The following SLC2A5 variants were observed in gnomAD, a reference collection of about 807,000 sequenced individuals.
SLC2A5 encodes solute carrier family 2, facilitated glucose transporter member 5.
In SLC2A5, 56 loss-of-function variants were observed where a neutral mutation model predicts 50.3. The ratio of observed to expected loss-of-function variants is 1.11; its 90% confidence interval spans 0.90 to 1.39. SLC2A5 has a LOEUF of 1.39. SLC2A5 is among the 40% of genes most tolerant of loss of function. The pLI is 0.00. For missense variants in SLC2A5, 566 were observed against 650.1 expected (o/e 0.87, Z 1.41); for synonymous variants, 269 against 281.9 (o/e 0.95, Z 0.46).
chr1:9,055,431 C>T (rs1294277622), intron 3 of SLC2A5, among the ~76,000 whole-genome samples: 3 of 151,610 alleles, frequency 2.0e-5, no homozygotes, highest in Admixed American at 6.6e-5. Flanking sequence ...GCAGGAGAAT[C>T]GTTTGAACCC....
chr1:9,058,321 C>G, intron 1 of SLC2A5, 71 bp from the exon 2 acceptor site: 2 of 1,031,942 alleles, frequency 1.9e-6, no homozygotes, highest in Non-Finnish European at 3.0e-6. Context: ...ACTTCGGTTT[C>G]GTAGAAAGAT....
At chr1:9,068,189 C>CAAAAAAAAAAAAAAA (rs755203801) in intron 1 of SLC2A5, among the ~76,000 whole-genome samples, 5 of 77,092 alleles carry the variant, frequency 6.5e-5, no homozygotes, top group African/African-American at 2.0e-4. Flanking sequence ...GACTCTGTGT[C>CAAAAAAAAAAAAAAA]AAAAAAAAAA....
chr1:9,053,873 CA>C (rs912429351), intron 3 of SLC2A5, among the ~76,000 whole-genome samples: 1 of 140,118 alleles, frequency 7.1e-6, no homozygotes, highest in Non-Finnish European at 1.5e-5. Flanking sequence ...GACTCTGTCT[CA>C]AAAAAATAAA....
intron 1 of SLC2A5, among the ~76,000 whole-genome samples, chr1:9,062,275 T>C (rs1425042149): frequency 1.3e-5 from 2 of 152,056 alleles, no homozygotes; most frequent in Non-Finnish European, 1.5e-5. Flanking sequence ...TAGTAAGTAC[T>C]AAGAAGAAAA....
intron 4 of SLC2A5, among the ~76,000 whole-genome samples, chr1:9,046,137 T>C (rs12073178): frequency 0.023 from 3,503 of 152,206 alleles, 149 homozygotes; most frequent in African/African-American, 0.08. Context: ...CTTGGCAATG[T>C]TGGGAAAGTG....
intron 1 of SLC2A5, among the ~76,000 whole-genome samples, chr1:9,085,348 C>T (rs571711946): frequency 1.1e-3 from 166 of 152,104 alleles, no homozygotes; most frequent in Admixed American, 2.2e-3. Flanking sequence ...TCTAGAAAGG[C>T]GGGACGATTC....
At chr1:9,087,736 A>G (rs59054004) in intron 1 of SLC2A5, among the ~76,000 whole-genome samples, 6,270 of 152,102 alleles carry the variant, frequency 0.041, 266 homozygotes, top group African/African-American at 0.1. Flanking sequence ...GACTCGGGCC[A>G]GGGCTACTCT....
chr1:9,059,133 TTTC>T (rs149497448), intron 1 of SLC2A5, among the ~76,000 whole-genome samples: 13,592 of 77,350 alleles, frequency 0.18, 1,822 homozygotes, highest in East Asian at 0.48. Flanking sequence ...GCCGCCTTTC[TTTC>T]TTTTTTTTTT....
chr1:9,056,553 G>A (rs1484868171), intron 3 of SLC2A5, among the ~76,000 whole-genome samples: 1 of 151,866 alleles, frequency 6.6e-6, no homozygotes, highest in African/African-American at 2.4e-5. Context: ...GTTACTCTGG[G>A]CTCACTAGAT....
upstream of SLC2A5, among the ~76,000 whole-genome samples, chr1:9,070,076 T>TTTTTTTTTTG (rs1642183680): frequency 7.8e-6 from 1 of 128,578 alleles, no homozygotes; most frequent in Admixed American, 7.5e-5. Flanking sequence ...TTTTCTGTTT[T>TTTTTTTTTTG]TTTTTTTTTT....
In SLC2A5 at chr1:9,040,794, T is replaced by C. The variant is rs1641281906; in HGVS notation, c.572-605A>G. ...CTCCCTGAGACAGGAACCTGGCTTATTCACTTCTGGTCCCAGCTCCTAATG... is the reference window on the plus strand; with the variant it reads ...CTCCCTGAGACAGGAACCTGGCTTACTCACTTCTGGTCCCAGCTCCTAATG... On this transcript the variant is annotated intron_variant, in intron 5 of 11. Transcript: ENST00000377424. This position sits in a 1 kb window ranked among gnomAD's most constrained non-coding sequence, Gnocchi z 4.3. 3 of 153,088 alleles carry C rather than the reference T, an allele frequency of 2.0e-5. No homozygotes were observed. The highest frequency in any genetic ancestry group is 6.5e-5 in the Admixed American group (1 of 15,324). The allele number at this position is 153,088 out of a possible 1,614,324, so 9.5% of individuals were successfully genotyped here.
At chr1:9,088,938 G>A (rs778653520), upstream of SLC2A5, among the ~76,000 whole-genome samples, 3 of 152,150 alleles carry the variant, frequency 2.0e-5, no homozygotes, top group Non-Finnish European at 4.4e-5. Flanking sequence ...CAGCATCTGG[G>A]ATCTTTCTCT....
chr1:9,039,439 G>T, intron 8 of SLC2A5, 113 bp downstream of exon 8: 1 of 713,916 alleles, frequency 1.4e-6, no homozygotes, highest in South Asian at 1.9e-5. Flanking sequence ...TGTAGTAGCG[G>T]CTGGTCCTCC....
intron 1 of SLC2A5, among the ~76,000 whole-genome samples, chr1:9,066,598 T>C (rs1642089642): frequency 6.6e-6 from 1 of 152,116 alleles, no homozygotes; most frequent in African/African-American, 2.4e-5. Context: ...TCCATTTTAT[T>C]TTTTTTTCTT....
chr1:9,059,830 G>A (rs543646774), intron 1 of SLC2A5, among the ~76,000 whole-genome samples: 17 of 152,012 alleles, frequency 1.1e-4, no homozygotes, highest in East Asian at 5.8e-4. Context: ...CACTGTGCCC[G>A]GCCTAAAGAG....
At chr1:9,080,085 C>T (rs992510783) in intron 2 of SLC2A5, among the ~76,000 whole-genome samples, 9 of 152,118 alleles carry the variant, frequency 5.9e-5, no homozygotes, top group South Asian at 4.1e-4. Context: ...AACTGATTTC[C>T]GAAGACTTAG....
Position 9,041,872 on chromosome 1 carries a change from G to T in SLC2A5, c.484C>A (p.Leu162Ile). The T allele has an allele frequency of 6.2e-7, 1 of 1,614,028 alleles. No individual in the cohort carries two copies. Among genetic ancestry groups the T allele is most frequent in the South Asian group, 1.1e-5 (1 of 91,070 alleles). ...ELAPKNLRGA[L>I]GVVPQLFITV... The stretch of plus-strand genomic sequence containing the variant: ...ATGAAGAGCTGGGGCACCACCCCGA[G>T]AGCCCCCCGCAGGTTTTTAGGGGCC... Residue 162 changes from leucine (L) to isoleucine (I), a missense_variant, in exon 5 of 12, where the codon CTC (leucine) becomes ATC (isoleucine). By Grantham distance (5) the Leu-to-Ile change is conservative (BLOSUM62 2). Coordinates refer to ENST00000377424, the MANE Select transcript of SLC2A5 (RefSeq NM_003039.3).
In SLC2A5 at chr1:9,037,391, GAGACAGCCCAGCTTCAAGAACAGCA is replaced by G. The variant is rs1245067535; in HGVS notation, c.*170_*194del. ...GTCTGGTGACAGGCCAACATGGAGA[GAGACAGCCCAGCTTCAAGAACAGCA>G]AGGCAGCCCTTTGCACAGTTCCCAC... On this transcript the variant is annotated 3_prime_UTR_variant, in exon 12 of 12. Transcript: ENST00000377424. The G allele has an allele frequency of 1.7e-6, 1 of 574,636 alleles. No homozygotes were observed. Among genetic ancestry groups the G allele is most frequent in the Non-Finnish European group, 3.1e-6 (1 of 322,764 alleles). 35.6% of individuals were successfully genotyped at this position (574,636 alleles called of 1,614,324 possible).
intron 5 of SLC2A5, chr1:9,041,057 G>T (rs1460487777): frequency 8.6e-6 from 2 of 233,454 alleles, no homozygotes; most frequent in Non-Finnish European, 1.6e-5. Context: ...AAAAGACTTG[G>T]CACTTGGCTC....
Sources: allele counts gnomAD v4.1 joint callset (sites outside exome capture counted in the v4.1 genomes callset), GRCh38; gene constraint gnomAD v4.1.1; non-coding constraint Gnocchi (gnomAD v3.1); transcripts MANE v1.5; gene names NCBI Gene and HGNC (gene_info 2026-07-23, HGNC 2026-07-21).